The following FNDC3A variants were observed in gnomAD, a reference collection of about 807,000 sequenced individuals.
FNDC3A encodes fibronectin type III domain containing 3A, also known as fibronectin type-III domain-containing protein 3A.
A neutral mutation model predicts 148.9 loss-of-function variants in FNDC3A; 32 were observed. That is an observed-to-expected ratio of 0.21 (90% confidence interval 0.16 to 0.29). The LOEUF (loss-of-function observed/expected upper bound fraction) is 0.29. Ranked by LOEUF, FNDC3A falls within the 10% of genes least tolerant of loss-of-function variation. The pLI is 1.00. For missense variants in FNDC3A, 1,191 were observed against 1,452.8 expected (o/e 0.82, Z 2.93); for synonymous variants, 472 against 473.6 (o/e 1.00, Z 0.04).
chr13:49,134,413 T>C (rs1447884775), intron 5 of FNDC3A, among the ~76,000 whole-genome samples: 1 of 152,230 alleles, frequency 6.6e-6, no homozygotes, highest in East Asian at 1.9e-4. Context: ...TATTGCATTC[T>C]GTTGATTACA....
intron 2 of FNDC3A, among the ~76,000 whole-genome samples, chr13:49,031,360 G>A (rs1874107192): frequency 1.3e-5 from 2 of 152,146 alleles, no homozygotes; most frequent in Non-Finnish European, 2.9e-5. Context: ...ATCAGCCTGA[G>A]CAATGGAGTG....
At chr13:48,999,358 T>A (rs2137583501) in intron 1 of FNDC3A, among the ~76,000 whole-genome samples, 1 of 152,336 alleles carries the variant, frequency 6.6e-6, no homozygotes, top group East Asian at 1.9e-4. Flanking sequence ...TTTCTACCTT[T>A]TGGAGTGGGA....
chr13:49,079,431 G>A (rs1381439343), intron 3 of FNDC3A, among the ~76,000 whole-genome samples: 6 of 152,190 alleles, frequency 3.9e-5, no homozygotes, highest in Non-Finnish European at 8.8e-5. Context: ...TCAGTGGTAT[G>A]TAAAGAAAAA....
At position 49,136,374 on chromosome 13, in the gene FNDC3A, G is replaced by A. The variant is rs777155005; in HGVS notation, c.533G>A (p.Arg178Gln). Residue 178 changes from arginine (R) to glutamine (Q), a missense_variant, in exon 6 of 26, where the codon CGA (arginine) becomes CAA (glutamine). Around this residue, in one of 3 missense-constraint regions of FNDC3A, gnomAD observed 426 missense variants for 473.2 expected, o/e 0.90. Transcript: ENST00000492622. The part of the protein sequence containing the change: ...THGRSNFRDE[R>Q]SSKTYERLQK... ...GGAAGGTCCAACTTTAGAGATGAAC[G>A]ATCTAGTAAAACATATGAACGTTTG... is the stretch of plus-strand genomic sequence containing the variant. 5 of 1,613,860 alleles carry A rather than the reference G, an allele frequency of 3.1e-6. No individual in the cohort carries two copies. The highest frequency in any genetic ancestry group is 1.6e-4 in the Middle Eastern group (1 of 6,084).
chr13:49,024,950 T>G (rs928268321), intron 2 of FNDC3A, among the ~76,000 whole-genome samples: 2 of 151,986 alleles, frequency 1.3e-5, no homozygotes, highest in Admixed American at 6.6e-5. Flanking sequence ...CTAAAAGTGA[T>G]TAGAAAAAAA....
At chr13:49,049,389 AT>A (rs1269703354) in intron 2 of FNDC3A, among the ~76,000 whole-genome samples, 1 of 151,990 alleles carries the variant, frequency 6.6e-6, no homozygotes, top group Non-Finnish European at 1.5e-5. Context: ...ATTGGTACCA[AT>A]TCTTCTTTGA....
chr13:49,098,984 C>T (rs1262479152), intron 3 of FNDC3A, among the ~76,000 whole-genome samples: 1 of 152,110 alleles, frequency 6.6e-6, no homozygotes, highest in Non-Finnish European at 1.5e-5. Flanking sequence ...TCAAGGCTTA[C>T]ACTAATTGCC....
intron 3 of FNDC3A, among the ~76,000 whole-genome samples, chr13:49,106,969 A>G (rs914786130): frequency 4.6e-5 from 7 of 152,168 alleles, no homozygotes; most frequent in African/African-American, 1.7e-4. Flanking sequence ...TTTGTAGGAA[A>G]TTATTTTTAA....
rs547028826 is a variant in FNDC3A at position 49,111,896 on chromosome 13, C to G, written c.176-2759C>G. ...CTGGTTTATTTTAGCTTACATTTCTCTTTTCAGCATCACACTTAGATATAA... is the reference window on the plus strand; with the variant it reads ...CTGGTTTATTTTAGCTTACATTTCTGTTTTCAGCATCACACTTAGATATAA... On this transcript the variant is annotated intron_variant, in intron 3 of 25. Transcript: ENST00000492622. Among the ~76,000 whole-genome samples, 22 of 152,112 alleles carry G rather than the reference C, an allele frequency of 1.4e-4. No homozygotes were observed. In the South Asian group the frequency reaches 4.6e-3, roughly 32 times the overall value.
intron 2 of FNDC3A, among the ~76,000 whole-genome samples, chr13:49,055,490 A>C (rs1340359096): frequency 1.3e-5 from 2 of 152,158 alleles, no homozygotes; most frequent in African/African-American, 4.8e-5. Context: ...ACCAGCATTT[A>C]ACATCAACAC....
intron 3 of FNDC3A, among the ~76,000 whole-genome samples, chr13:49,110,058 A>G (rs1016574653): frequency 6.6e-6 from 1 of 152,208 alleles, no homozygotes; most frequent in South Asian, 2.1e-4. Flanking sequence ...TACATCAAAT[A>G]TATATTTCTG....
At chr13:48,986,385 G>GGTTT (rs1951795265) in intron 1 of FNDC3A, among the ~76,000 whole-genome samples, 1 of 54,412 alleles carries the variant, frequency 1.8e-5, no homozygotes, top group Non-Finnish European at 3.1e-5. Context: ...GAAGGAAGTT[G>GGTTT]TTTTTTTTTT....
intron 2 of FNDC3A, among the ~76,000 whole-genome samples, chr13:49,031,037 G>C (rs776429270): frequency 6.6e-6 from 1 of 152,152 alleles, no homozygotes; most frequent in African/African-American, 2.4e-5. Context: ...ACACAGAATA[G>C]CCAAAATAAT....
chr13:49,170,169 C>T (rs1884678919), intron 10 of FNDC3A, among the ~76,000 whole-genome samples: 1 of 152,114 alleles, frequency 6.6e-6, no homozygotes, highest in Non-Finnish European at 1.5e-5. Context: ...TATATACACA[C>T]ACAGTAATCA....
At chr13:49,030,515 G>T (rs560071264) in intron 2 of FNDC3A, among the ~76,000 whole-genome samples, 45 of 152,272 alleles carry the variant, frequency 3.0e-4, no homozygotes, top group African/African-American at 1.0e-3. Context: ...GGAAGTCCTA[G>T]CCTGGGCAAA....
At chr13:49,187,549 A>G (rs1337096640) in intron 16 of FNDC3A, 2 of 1,610,524 alleles carry the variant, frequency 1.2e-6, no homozygotes, top group Admixed American at 1.7e-5. Context: ...GTACAAACAC[A>G]TCTTAGCTAG....
intron 19 of FNDC3A, among the ~76,000 whole-genome samples, chr13:49,192,271 A>G (rs1885925519): frequency 6.6e-6 from 1 of 152,128 alleles, no homozygotes. Context: ...CTGTATTTAC[A>G]TCTGTAAACT....
intron 20 of FNDC3A, 44 bp downstream of exon 20, chr13:49,197,034 T>C: frequency 9.0e-7 from 1 of 1,112,590 alleles, no homozygotes; most frequent in Non-Finnish European, 1.3e-6. Flanking sequence ...CTTAAGTGAA[T>C]AGAATAGTTT....
rs762384493 is a variant in FNDC3A at position 49,138,754 on chromosome 13, TGAA to T, written c.772_774del (p.Glu258del). 1.1e-5 allele frequency: 16 copies of T among 1,468,302 alleles called. No homozygotes were observed. In the East Asian group the frequency reaches 3.7e-4, roughly 34 times the overall value. The allele number at this position is 1,468,302 out of a possible 1,614,324, so 91.0% of individuals were successfully genotyped here. ...ATGTTTTATTTTTTTAAGAAAAAGA[TGAA>T]GAAACTAAAGCATTTGAAGCACTTC... On this transcript the variant is annotated inframe_deletion, in exon 7 of 26. Transcript: ENST00000492622.
Sources: allele counts gnomAD v4.1 joint callset (sites outside exome capture counted in the v4.1 genomes callset), GRCh38; gene constraint gnomAD v4.1.1; regional missense constraint gnomAD v4.1.1; transcripts MANE v1.5; gene names NCBI Gene and HGNC (gene_info 2026-07-23, HGNC 2026-07-21).